The following WDFY2 variants were observed in gnomAD, a reference collection of about 807,000 sequenced individuals.
WDFY2 encodes the protein WD repeat and FYVE domain-containing protein 2.
Under a neutral mutation model 56.4 loss-of-function variants are expected in WDFY2, and 36 were observed. The observed-to-expected ratio is 0.64, with a 90% confidence interval of 0.49 to 0.84. The LOEUF (loss-of-function observed/expected upper bound fraction) is 0.84, where lower values mean the gene tolerates loss of function less well. Among genes scored for constraint, WDFY2 ranks in the 40% least tolerant of loss-of-function variants. The probability of loss-of-function intolerance (pLI) is 0.00; values close to 1 mark genes in which losing one functional copy is unlikely to be tolerated. For missense variants in WDFY2, 444 were observed against 512.2 expected (o/e 0.87, Z 1.29); for synonymous variants, 176 against 183.7 (o/e 0.96, Z 0.34).
chr13:51,610,601 T>C (rs1954483409), intron 1 of WDFY2, among the ~76,000 whole-genome samples: 1 of 152,132 alleles, frequency 6.6e-6, no homozygotes, highest in Admixed American at 6.6e-5. Context: ...AGTAATGTTA[T>C]CTTGTTTAGT....
chr13:51,653,091 G>A (rs1955430217), intron 1 of WDFY2, among the ~76,000 whole-genome samples: 3 of 152,124 alleles, frequency 2.0e-5, no homozygotes, highest in South Asian at 4.1e-4. Context: ...TTTCTTGGAG[G>A]CTTTGTTTGT....
intron 2 of WDFY2, among the ~76,000 whole-genome samples, chr13:51,673,796 A>G (rs1368119560): frequency 6.6e-6 from 1 of 151,988 alleles, no homozygotes; most frequent in Non-Finnish European, 1.5e-5. Context: ...TCAGGAGTGT[A>G]CTCTTGGGAA....
rs1472120300 is a variant in WDFY2 at position 51,766,588 on chromosome 13, G to A, written c.*6819G>A. ...ATTGACTTCCTGAATGTGATTAGGT[G>A]GTAATGAGCAAGAATTTCCTAGGAT... On this transcript the variant is annotated 3_prime_UTR_variant, in exon 12 of 12. Coordinates refer to ENST00000298125, the MANE Select transcript of WDFY2 (RefSeq NM_052950.4). The A allele has an allele frequency of 6.6e-6, 1 of 152,168 alleles. No homozygotes were observed. The highest frequency in any genetic ancestry group is 1.5e-5 in the Non-Finnish European group (1 of 68,046). 9.4% of individuals were successfully genotyped at this position (152,168 alleles called of 1,614,324 possible).
At chr13:51,630,479 T>A (rs1431997330) in intron 1 of WDFY2, among the ~76,000 whole-genome samples, 1 of 151,686 alleles carries the variant, frequency 6.6e-6, no homozygotes, top group Non-Finnish European at 1.5e-5. Context: ...TTTTTTTTTT[T>A]ATGTTTGGGT....
At chr13:51,621,084 A>G (rs1173157477) in intron 1 of WDFY2, among the ~76,000 whole-genome samples, 1 of 152,150 alleles carries the variant, frequency 6.6e-6, no homozygotes, top group Non-Finnish European at 1.5e-5. Context: ...CCTGAGGTAA[A>G]CTTTCTGTCC....
rs1319983489 is a variant in WDFY2, at chr13:51,765,663, C to T, written c.*5894C>T. The T allele has an allele frequency of 1.3e-5, 2 of 152,234 alleles. No individual in the cohort carries two copies. Among genetic ancestry groups the T allele is most frequent in the Non-Finnish European group, 2.9e-5 (2 of 68,056 alleles). 9.4% of individuals were successfully genotyped at this position (152,234 alleles called of 1,614,324 possible). On this transcript the variant is annotated 3_prime_UTR_variant, in exon 12 of 12. Coordinates refer to ENST00000298125, the MANE Select transcript of WDFY2 (RefSeq NM_052950.4). ...TTGGATAACGGAGAGCCTATCACCA[C>T]ATGCCTTTGTTGTCTTCCATCATAT... is the stretch of plus-strand genomic sequence containing the variant.
intron 1 of WDFY2, among the ~76,000 whole-genome samples, chr13:51,627,362 C>T (rs1478015190): frequency 6.6e-6 from 1 of 151,924 alleles, no homozygotes; most frequent in East Asian, 1.9e-4. Flanking sequence ...TTGACGGGTC[C>T]GTAGTCCTTT....
At chr13:51,646,785 T>C (rs905836633) in intron 1 of WDFY2, among the ~76,000 whole-genome samples, 1 of 152,200 alleles carries the variant, frequency 6.6e-6, no homozygotes, top group African/African-American at 2.4e-5. Context: ...CTCCTAAAGA[T>C]TGCTAGAATA....
intron 3 of WDFY2, among the ~76,000 whole-genome samples, chr13:51,700,245 A>G (rs1472996155): frequency 1.3e-5 from 2 of 152,204 alleles, no homozygotes; most frequent in African/African-American, 4.8e-5. Flanking sequence ...TATATCCTAT[A>G]TTGTTTGATG....
At chr13:51,700,813 A>G (rs1951968176) in intron 3 of WDFY2, among the ~76,000 whole-genome samples, 1 of 152,070 alleles carries the variant, frequency 6.6e-6, no homozygotes. Flanking sequence ...TAAAAATACA[A>G]TAAATTAGCC....
At chr13:51,654,824 A>C (rs1955478247) in intron 1 of WDFY2, among the ~76,000 whole-genome samples, 1 of 152,090 alleles carries the variant, frequency 6.6e-6, no homozygotes. Flanking sequence ...TCAGGAGATA[A>C]GAGAACAGAT....
chr13:51,635,473 G>A (rs192396720), intron 1 of WDFY2, among the ~76,000 whole-genome samples: 3 of 152,006 alleles, frequency 2.0e-5, no homozygotes, highest in East Asian at 1.9e-4. Flanking sequence ...CATTTTTTTC[G>A]GCTTCCTGTC....
chr13:51,600,989 T>A (rs1277507376), intron 1 of WDFY2, among the ~76,000 whole-genome samples: 2 of 152,166 alleles, frequency 1.3e-5, no homozygotes, highest in Non-Finnish European at 2.9e-5. Context: ...TTTCCTGTAG[T>A]GAATATAAGA....
intron 3 of WDFY2, among the ~76,000 whole-genome samples, chr13:51,688,352 T>C (rs1956095656): frequency 6.6e-6 from 1 of 152,324 alleles, no homozygotes; most frequent in Non-Finnish European, 1.5e-5. Context: ...ATTTGCACTG[T>C]AGTTTTTTTC....
chr13:51,713,707 C>T (rs759714375), intron 4 of WDFY2, among the ~76,000 whole-genome samples: 25 of 152,000 alleles, frequency 1.6e-4, no homozygotes, highest in Non-Finnish European at 2.6e-4. Flanking sequence ...AATTAGCCTG[C>T]GTGGTGGTGT....
intron 3 of WDFY2, among the ~76,000 whole-genome samples, chr13:51,687,597 G>A (rs1956081961): frequency 6.7e-6 from 1 of 149,926 alleles, no homozygotes; most frequent in Non-Finnish European, 1.5e-5. Context: ...GTAGTACAAC[G>A]AAAATCCTGA....
chr13:51,756,841 T>G (rs1953400138), intron 10 of WDFY2, among the ~76,000 whole-genome samples: 1 of 152,186 alleles, frequency 6.6e-6, no homozygotes, highest in Non-Finnish European at 1.5e-5. Flanking sequence ...AGTCCATGGG[T>G]CCAGAAGGTT....
chr13:51,755,582 A>C (rs1453049843), intron 9 of WDFY2, 123 bp downstream of exon 9: 24 of 853,272 alleles, frequency 2.8e-5, no homozygotes, highest in Middle Eastern at 2.4e-4. Context: ...TCCTGGAGTC[A>C]CCTCGTGATT....
chr13:51,662,399 C>A (rs1027098428), intron 2 of WDFY2, among the ~76,000 whole-genome samples: 2 of 152,080 alleles, frequency 1.3e-5, no homozygotes, highest in Non-Finnish European at 2.9e-5. Flanking sequence ...CCTCAGAGAT[C>A]AATAGGTCCC....
Sources: gnomAD v4.1 joint callset for allele counts (sites outside exome capture counted in the v4.1 genomes callset) on GRCh38, gnomAD v4.1.1 for gene constraint, MANE v1.5 for transcripts, NCBI Gene and HGNC (gene_info 2026-07-23, HGNC 2026-07-21) for gene names.